The following IQCH variants were observed in gnomAD, a reference collection of about 807,000 sequenced individuals.
IQCH encodes the protein IQ motif containing H, also known as IQ domain-containing protein H.
A neutral mutation model predicts 117.0 loss-of-function variants in IQCH; 98 were observed. That is an observed-to-expected ratio of 0.84 (90% CI 0.71 to 0.99). The LOEUF is 0.99. IQCH is among the 50% of genes least tolerant of loss of function. The probability of loss-of-function intolerance (pLI) is 0.00; values close to 1 mark genes in which losing one functional copy is unlikely to be tolerated. For missense variants in IQCH, 1,102 were observed against 1,243.8 expected (o/e 0.89, Z 1.72); for synonymous variants, 412 against 448.2 (o/e 0.92, Z 1.02).
intron 17 of IQCH, among the ~76,000 whole-genome samples, chr15:67,469,653 G>C (rs991520875): frequency 1.3e-5 from 2 of 152,162 alleles, no homozygotes; most frequent in Non-Finnish European, 2.9e-5. Context: ...TAAGCACAGA[G>C]GATATAAGGG....
Position 67,453,818 on chromosome 15 carries a change from A to G in IQCH, c.2506-11309A>G, listed in dbSNP as rs1043892679. Among the ~76,000 whole-genome samples the G allele has an allele frequency of 1.3e-5, 2 of 152,230 alleles. No homozygotes were observed. Among genetic ancestry groups the G allele is most frequent in the African/African-American group, 4.8e-5 (2 of 41,466 alleles). On this transcript the variant is annotated intron_variant, in intron 16 of 20. Coordinates refer to ENST00000335894, the MANE Select transcript of IQCH (RefSeq NM_001031715.3). This position sits in a 1 kb window ranked among gnomAD's most constrained non-coding sequence, Gnocchi z 5.8. Reference sequence around the variant, plus strand: ...TTTTGTTTGTCTGTGCCCTGCCCCCAGAGGTGGCGCCTACAGAGGCAGGCA... The same window carrying G: ...TTTTGTTTGTCTGTGCCCTGCCCCCGGAGGTGGCGCCTACAGAGGCAGGCA...
intron 8 of IQCH, 125 bp from the exon 9 acceptor site, chr15:67,371,986 A>C: frequency 1.2e-6 from 1 of 802,562 alleles, no homozygotes; most frequent in South Asian, 1.9e-5. Flanking sequence ...GTGTTAAATC[A>C]GTGCTAGGAT....
chr15:67,307,151 T>C, intron 4 of IQCH: 1 of 1,043,036 alleles, frequency 9.6e-7, no homozygotes, highest in South Asian at 4.0e-5. Flanking sequence ...TTTGGCAAGA[T>C]GTGAGTTGCT....
chr15:67,477,293 CG>C (rs2083229275), intron 18 of IQCH, among the ~76,000 whole-genome samples: 1 of 151,952 alleles, frequency 6.6e-6, no homozygotes, highest in Non-Finnish European at 1.5e-5. Flanking sequence ...ATGATCCGCC[CG>C]CCTCGGCTTC....
intron 16 of IQCH, among the ~76,000 whole-genome samples, chr15:67,434,364 G>A (rs781440451): frequency 5.9e-5 from 9 of 152,066 alleles, no homozygotes; most frequent in Non-Finnish European, 1.2e-4. Context: ...ATTTCACTTA[G>A]CATATTATCC....
intron 5 of IQCH, among the ~76,000 whole-genome samples, chr15:67,339,939 C>T (rs1281557662): frequency 6.6e-6 from 1 of 152,176 alleles, no homozygotes; most frequent in East Asian, 1.9e-4. Flanking sequence ...CAGATTTCAA[C>T]TGCAGGACCT....
intron 4 of IQCH, 93 bp from the exon 5 acceptor site, chr15:67,336,882 C>T: frequency 8.1e-7 from 1 of 1,235,702 alleles, no homozygotes; most frequent in Admixed American, 2.2e-5. Context: ...AAACTTAATG[C>T]AACTATTCAT....
chr15:67,471,996 A>G (rs1038460790), intron 17 of IQCH, among the ~76,000 whole-genome samples: 1 of 152,244 alleles, frequency 6.6e-6, no homozygotes, highest in Non-Finnish European at 1.5e-5. Context: ...CTGAAAAGAA[A>G]GGCCATAGAG....
intron 4 of IQCH, among the ~76,000 whole-genome samples, chr15:67,296,218 TGGA>T (rs1428148858): frequency 1.3e-5 from 2 of 152,190 alleles, no homozygotes; most frequent in Non-Finnish European, 2.9e-5. Flanking sequence ...AGATAGAGGT[TGGA>T]GGAGACCTCC....
rs1453715502 is a variant in IQCH at position 67,459,848 on chromosome 15, C to A, written c.2506-5279C>A. ...TACAATGCACTTCTTTACAACCAAT[C>A]CAATAGAAATAGAATTCAGCCAGGC... On this transcript the variant is annotated intron_variant, in intron 16 of 20. Coordinates refer to ENST00000335894, the MANE Select transcript of IQCH (RefSeq NM_001031715.3). This position sits in a 1 kb window ranked among gnomAD's most constrained non-coding sequence, Gnocchi z 4.2. The A allele has an allele frequency of 6.6e-6, 1 of 152,212 alleles. No individual in the cohort carries two copies. The highest frequency in any genetic ancestry group is 1.5e-5 in the Non-Finnish European group (1 of 68,070). The allele number at this position is 152,212 out of a possible 1,614,324, so 9.4% of individuals were successfully genotyped here.
rs965967369 is a variant in IQCH at position 67,445,734 on chromosome 15, G to C, written c.2506-19393G>C. On this transcript the variant is annotated intron_variant, in intron 16 of 20. Coordinates refer to ENST00000335894, the MANE Select transcript of IQCH (RefSeq NM_001031715.3). This position sits in a 1 kb window ranked among gnomAD's most constrained non-coding sequence, Gnocchi z 4.3. ...TAACAGGCGTGAGCCACCGCACCTG[G>C]CCTGTTTTTTAATCTTTGTAGATGT... 1.3e-5 allele frequency among the ~76,000 whole-genome samples: 2 copies of C among 152,158 alleles called. No individual in the cohort carries two copies. Among genetic ancestry groups the C allele is most frequent in the African/African-American group, 2.4e-5 (1 of 41,420 alleles).
At chr15:67,435,509 G>A (rs891381800) in intron 16 of IQCH, among the ~76,000 whole-genome samples, 1 of 151,762 alleles carries the variant, frequency 6.6e-6, no homozygotes, top group Non-Finnish European at 1.5e-5. Context: ...GCTTGAACCA[G>A]GGAGGCAGAG....
chr15:67,350,574 C>T (rs774656518), intron 6 of IQCH, among the ~76,000 whole-genome samples: 17 of 152,096 alleles, frequency 1.1e-4, no homozygotes, highest in Non-Finnish European at 2.2e-4. Context: ...CTACAGGCGC[C>T]CGCAACCACA....
chr15:67,355,324 C>G (rs918613284), intron 6 of IQCH, among the ~76,000 whole-genome samples: 1 of 152,008 alleles, frequency 6.6e-6, no homozygotes, highest in Non-Finnish European at 1.5e-5. Flanking sequence ...CGGTGGCTCA[C>G]GCCTGTAATG....
chr15:67,358,182 TAACCATCATGAGGCAC>T (rs1969982626), intron 7 of IQCH, among the ~76,000 whole-genome samples: 9 of 119,130 alleles, frequency 7.6e-5, no homozygotes, highest in African/African-American at 1.9e-4. Context: ...TTTTCTTTTT[TAACCATCATGAGGCAC>T]TTTCTTTTCT....
chr15:67,279,625 A>G (rs1472565954), intron 4 of IQCH, 113 bp downstream of exon 4: 8 of 584,216 alleles, frequency 1.4e-5, no homozygotes, highest in Non-Finnish European at 2.1e-5. Context: ...TTGGGGGACA[A>G]TGAACATGTT....
chr15:67,289,500 G>T (rs1293070849), intron 4 of IQCH, among the ~76,000 whole-genome samples: 1 of 152,110 alleles, frequency 6.6e-6, no homozygotes, highest in Non-Finnish European at 1.5e-5. Context: ...CCAGCTTGGA[G>T]ACTGGGTGCT....
chr15:67,462,767 C>T (rs1218546280), intron 16 of IQCH, among the ~76,000 whole-genome samples: 2 of 151,986 alleles, frequency 1.3e-5, no homozygotes, highest in Non-Finnish European at 2.9e-5. Flanking sequence ...GACACTAAAA[C>T]CTCAAAATAG....
chr15:67,319,726 A>G (rs1968022869), intron 4 of IQCH, among the ~76,000 whole-genome samples: 1 of 152,230 alleles, frequency 6.6e-6, no homozygotes, highest in East Asian at 1.9e-4. Flanking sequence ...CTCAGAGCAT[A>G]TTAGAGACAT....
Sources: allele counts gnomAD v4.1 joint callset (sites outside exome capture counted in the v4.1 genomes callset), GRCh38; gene constraint gnomAD v4.1.1; non-coding constraint Gnocchi (gnomAD v3.1); transcripts MANE v1.5; gene names NCBI Gene and HGNC (gene_info 2026-07-23, HGNC 2026-07-21).